DNAJC18: variants seen among roughly 807,000 people sequenced by gnomAD.
DNAJC18 encodes the protein DnaJ heat shock protein family (Hsp40) member C18, also known as dnaJ homolog subfamily C member 18.
In DNAJC18, 40 loss-of-function variants were observed where a neutral mutation model predicts 48.6. That is an observed-to-expected ratio of 0.82 (90% CI 0.64 to 1.07). The LOEUF is 1.07. DNAJC18 is among the 50% of genes least tolerant of loss of function. The probability of loss-of-function intolerance (pLI) is 0.00; values close to 1 mark genes in which losing one functional copy is unlikely to be tolerated. For missense variants in DNAJC18, 340 were observed against 427.7 expected (o/e 0.79, Z 1.81); for synonymous variants, 135 against 152.2 (o/e 0.89, Z 0.83).
intron 2 of DNAJC18, among the ~76,000 whole-genome samples, chr5:139,430,241 A>T (rs958280565): frequency 6.6e-6 from 1 of 152,220 alleles, no homozygotes; most frequent in Non-Finnish European, 1.5e-5. Flanking sequence ...GCCTCTCAAA[A>T]ACTCCACTGT....
At chr5:139,434,726 T>C (rs543588654) in intron 2 of DNAJC18, among the ~76,000 whole-genome samples, 2 of 149,462 alleles carry the variant, frequency 1.3e-5, no homozygotes, top group East Asian at 2.0e-4. Context: ...TTGTCCAACT[T>C]GTTTATTAGT....
intron 2 of DNAJC18, among the ~76,000 whole-genome samples, chr5:139,434,530 T>C (rs1056732091): frequency 8.5e-5 from 13 of 152,118 alleles, no homozygotes; most frequent in Admixed American, 7.2e-4. Flanking sequence ...GCTATGTCGC[T>C]CAGGCTCGTC....
intron 1 of DNAJC18, among the ~76,000 whole-genome samples, chr5:139,438,425 C>T (rs1253856899): frequency 6.6e-6 from 1 of 151,816 alleles, no homozygotes. Flanking sequence ...TATGTGTGGC[C>T]CAAGACAATT....
rs1303887974 is a variant in DNAJC18, at chr5:139,426,348, T to C, written c.383A>G (p.Asn128Ser). The stretch of plus-strand genomic sequence containing the variant: ...AGGATTGCTCAGGACTGCAAATGCA[T>C]TTCCTATTGCTGCAACCAACAAGAA... ...GATDAFKAIG[N>S]AFAVLSNPDK... The change falls in exon 4 of 8, where the codon AAT (asparagine) becomes AGT (serine). Residue 128 changes from asparagine to serine, a missense_variant. Transcript: ENST00000302060. The C allele has an allele frequency of 3.1e-6, 5 of 1,614,022 alleles. No homozygotes were observed. The highest frequency in any genetic ancestry group is 2.5e-6 in the Non-Finnish European group (3 of 1,179,964).
chr5:139,429,080 C>CTTTTTTTTTTTT (rs559935676), intron 2 of DNAJC18, among the ~76,000 whole-genome samples: 19 of 114,578 alleles, frequency 1.7e-4, no homozygotes, highest in Non-Finnish European at 3.1e-4. Context: ...GTATTTTTTG[C>CTTTTTTTTTTTT]TTTTTTTTTT....
At chr5:139,429,310 C>T (rs62385303) in intron 2 of DNAJC18, among the ~76,000 whole-genome samples, 76,382 of 151,742 alleles carry the variant, frequency 0.5, 22,561 homozygotes, top group Non-Finnish European at 0.67. Flanking sequence ...TCTCAAACTC[C>T]TGACCTTGTG....
At chr5:139,416,823 T>A (rs1759075423) in intron 7 of DNAJC18, among the ~76,000 whole-genome samples, 1 of 152,262 alleles carries the variant, frequency 6.6e-6, no homozygotes, top group Non-Finnish European at 1.5e-5. Flanking sequence ...GCATCAGGCT[T>A]ACTATCTAGA....
At chr5:139,415,080 T>A (rs1197214500) in intron 7 of DNAJC18, among the ~76,000 whole-genome samples, 1 of 152,194 alleles carries the variant, frequency 6.6e-6, no homozygotes, top group African/African-American at 2.4e-5. Context: ...CAGGATGGCA[T>A]GCTTGGATGT....
intron 2 of DNAJC18, among the ~76,000 whole-genome samples, chr5:139,431,292 A>G (rs1334330986): frequency 2.0e-5 from 3 of 152,220 alleles, no homozygotes; most frequent in Non-Finnish European, 4.4e-5. Flanking sequence ...GTGTGCATCT[A>G]TCACCACTAT....
intron 2 of DNAJC18, among the ~76,000 whole-genome samples, chr5:139,433,305 A>C (rs1476558592): frequency 6.6e-6 from 1 of 152,154 alleles, no homozygotes; most frequent in Non-Finnish European, 1.5e-5. Flanking sequence ...TTAGCTGGGC[A>C]TGATGGTGGG....
chr5:139,414,921 AT>A (rs1759051428), intron 7 of DNAJC18, among the ~76,000 whole-genome samples: 2 of 152,238 alleles, frequency 1.3e-5, no homozygotes, highest in Admixed American at 1.3e-4. Flanking sequence ...GGAGAAGGTC[AT>A]TCTATTTTTA....
rs924914654 is a variant in DNAJC18, at chr5:139,428,733, C to T, written c.228-50G>A. Reference sequence around the variant, plus strand: ...GTCTATAAAGGTCCCTTTTGTACAACTAATTGCAAGATAATACATCGATCC... The same window carrying T: ...GTCTATAAAGGTCCCTTTTGTACAATTAATTGCAAGATAATACATCGATCC... On this transcript the variant is annotated intron_variant, in intron 2 of 7. Coordinates refer to ENST00000302060, the MANE Select transcript of DNAJC18 (RefSeq NM_152686.4). 17 of 1,555,538 alleles carry T rather than the reference C, an allele frequency of 1.1e-5. No homozygotes were observed. The African/African-American group carries it at 1.8e-4, about 16-fold the overall frequency.
chr5:139,412,743 C>T lies in DNAJC18; in HGVS notation c.*1405G>A. The T allele has an allele frequency of 2.5e-6, 1 of 398,656 alleles. No individual in the cohort carries two copies. Among genetic ancestry groups the T allele is most frequent in the Non-Finnish European group, 4.4e-6 (1 of 226,104 alleles). 24.7% of individuals were successfully genotyped at this position (398,656 alleles called of 1,614,324 possible). A position where few individuals can be genotyped will look rare whatever the true frequency, so the allele number is the denominator to read the frequency against. On this transcript the variant is annotated 3_prime_UTR_variant, in exon 8 of 8. Transcript: ENST00000302060. ...TTCCTAGTCACCAGTGGAGGGCTGC[C>T]TGCCTGTGAGGGACCTCTTATTTTG...
intron 2 of DNAJC18, among the ~76,000 whole-genome samples, chr5:139,430,634 A>G (rs1381045284): frequency 1.3e-5 from 2 of 149,192 alleles, no homozygotes; most frequent in Non-Finnish European, 3.0e-5. Flanking sequence ...CAGTGGCGCG[A>G]TCCTGGCTCA....
At chr5:139,436,092 T>C (rs1750652610) in intron 2 of DNAJC18, among the ~76,000 whole-genome samples, 1 of 151,934 alleles carries the variant, frequency 6.6e-6, no homozygotes, top group African/African-American at 2.4e-5. Context: ...CCTTTTTTTT[T>C]TCTTTTTCTT....
rs1759242849 is a variant in DNAJC18 at position 139,426,306 on chromosome 5, T to C, written c.425A>G (p.Tyr142Cys). The change falls in exon 4 of 8, where the codon TAT (tyrosine) becomes TGT (cysteine). Residue 142 changes from tyrosine (Y) to cysteine (C), a missense_variant. Physicochemically the swap from Tyr to Cys is radical, Grantham distance 194. Transcript: ENST00000302060. Reference protein sequence around the residue: ...VLSNPDKRLRYDEYGDEQVTF... With the variant: ...VLSNPDKRLRCDEYGDEQVTF... Reference sequence around the variant, plus strand: ...CACCTGTTCATCTCCGTATTCATCATAGCGAAGTCTCTTATCAGGATTGCT... The same window carrying C: ...CACCTGTTCATCTCCGTATTCATCACAGCGAAGTCTCTTATCAGGATTGCT... 8.1e-6 allele frequency: 13 copies of C among 1,614,218 alleles called. No individual in the cohort carries two copies. The highest frequency in any genetic ancestry group is 1.1e-5 in the Non-Finnish European group (13 of 1,180,028).
intron 1 of DNAJC18, 119 bp from the exon 2 acceptor site, chr5:139,437,677 G>T: frequency 8.6e-7 from 1 of 1,166,978 alleles, no homozygotes; most frequent in Non-Finnish European, 1.2e-6. Flanking sequence ...GATGGCCAGG[G>T]CTAGAGGCGT....
rs550846097 is a variant in DNAJC18 at position 139,439,297 on chromosome 5, T to C, written c.40+109A>G. The C allele has an allele frequency of 1.3e-6, 2 of 1,546,246 alleles. No individual in the cohort carries two copies. The highest frequency in any genetic ancestry group is 1.1e-5 in the South Asian group (1 of 87,642). ...GGCTCAGCATCTTTTCACAGGCCTC[T>C]ATCCATCACCTCAGACCCAGGATCT... On this transcript the variant is annotated intron_variant, in intron 1 of 7. Coordinates refer to ENST00000302060, the MANE Select transcript of DNAJC18 (RefSeq NM_152686.4). This position sits in a 1 kb window ranked among gnomAD's most constrained non-coding sequence, Gnocchi z 4.1.
Position 139,410,971 on chromosome 5 carries a change from G to A in DNAJC18, c.*3177C>T, listed in dbSNP as rs1350002858. The A allele has an allele frequency of 2.0e-5, 3 of 152,052 alleles. No homozygotes were observed. The highest frequency in any genetic ancestry group is 2.4e-5 in the African/African-American group (1 of 41,378). 9.4% of individuals were successfully genotyped at this position (152,052 alleles called of 1,614,324 possible). A position where few individuals can be genotyped will look rare whatever the true frequency, so the allele number is the denominator to read the frequency against. ...TTTAGTACAGACAGGGTTTCACCAT[G>A]TTGGCCAGGCTGGTCTGGAACTCCT... On this transcript the variant is annotated 3_prime_UTR_variant, in exon 8 of 8. Coordinates refer to ENST00000302060, the MANE Select transcript of DNAJC18 (RefSeq NM_152686.4).
Sources: allele counts gnomAD v4.1 joint callset (sites outside exome capture counted in the v4.1 genomes callset), GRCh38; gene constraint gnomAD v4.1.1; non-coding constraint Gnocchi (gnomAD v3.1); transcripts MANE v1.5; gene names NCBI Gene and HGNC (gene_info 2026-07-23, HGNC 2026-07-21).